LRP1: variants seen among roughly 807,000 people sequenced by gnomAD.
LRP1 encodes prolow-density lipoprotein receptor-related protein 1.
LRP1 carries 51 observed loss-of-function variants against 541.5 expected under a neutral mutation model. The ratio of observed to expected loss-of-function variants is 0.09; its 90% confidence interval spans 0.08 to 0.12. The LOEUF (loss-of-function observed/expected upper bound fraction) is 0.12, where lower values mean the gene tolerates loss of function less well. LRP1 is among the 10% of genes least tolerant of loss of function. LRP1 has a pLI of 1.00. For missense variants in LRP1, 3,878 were observed against 6,376.2 expected (o/e 0.61, Z 13.34); for synonymous variants, 2,219 against 2,470.8 (o/e 0.90, Z 3.02).
intron 6 of LRP1, among the ~76,000 whole-genome samples, chr12:57,150,437 T>A (rs1231903556): frequency 6.6e-6 from 1 of 152,140 alleles, no homozygotes; most frequent in Non-Finnish European, 1.5e-5. Flanking sequence ...ATGATCCACC[T>A]GCTTCAGCCT....
intron 17 of LRP1, 34 bp downstream of exon 17, chr12:57,166,243 C>T (rs1371041233): frequency 6.4e-7 from 1 of 1,566,542 alleles, no homozygotes; most frequent in Non-Finnish European, 8.7e-7. Context: ...ACGAGGCACC[C>T]CTCAGTCAAG....
At chr12:57,167,085 G>C (rs992979309) in intron 18 of LRP1, 39 bp downstream of exon 18, 4 of 1,554,700 alleles carry the variant, frequency 2.6e-6, no homozygotes, top group Non-Finnish European at 3.5e-6. Context: ...CTGGGCCTGG[G>C]GGAGGGGCAT....
chr12:57,183,733 C>T lies in LRP1; in HGVS notation c.5795-42C>T. On this transcript the variant is annotated intron_variant, in intron 35 of 88. Coordinates refer to ENST00000243077, the MANE Select transcript of LRP1 (RefSeq NM_002332.3). The surrounding 1 kb of genome is among the most constrained non-coding windows in gnomAD (Gnocchi z 6.1). ...GAGATTTTGACCCCTCACCTTACCC[C>T]TGCCTTATTGGGCATCCCCATGTCA... is the stretch of plus-strand genomic sequence containing the variant. 1 of 1,611,596 alleles carries T rather than the reference C, an allele frequency of 6.2e-7. No homozygotes were observed. The highest frequency in any genetic ancestry group is 8.5e-7 in the Non-Finnish European group (1 of 1,179,634).
chr12:57,187,336 C>T lies in LRP1; in HGVS notation c.6911C>T (p.Thr2304Ile). 6.2e-7 allele frequency: 1 copy of T among 1,614,224 alleles called. No homozygotes were observed. Among genetic ancestry groups the T allele is most frequent in the Non-Finnish European group, 8.5e-7 (1 of 1,180,044 alleles). Residue 2304 changes from threonine to isoleucine, a missense_variant, in exon 42 of 89, where the codon ACA becomes ATA. Physicochemically the swap from Thr to Ile is moderately conservative, Grantham distance 89. This residue lies in a region of LRP1 where 1,100 missense variants were observed against 1,827.4 expected (regional missense o/e 0.60). Transcript: ENST00000243077. ...WDTLYWTSYT[T>I]STITRHTVDQ... is the part of the protein sequence containing the mutation. Reference sequence around the variant, plus strand: ...ACTCTCTATTGGACAAGCTACACGACATCCACCATCACGCGCCACACAGTG... The same window carrying T: ...ACTCTCTATTGGACAAGCTACACGATATCCACCATCACGCGCCACACAGTG...
At chr12:57,142,179 G>A (rs1354222667) in intron 3 of LRP1, among the ~76,000 whole-genome samples, 10 of 152,258 alleles carry the variant, frequency 6.6e-5, no homozygotes, top group Admixed American at 6.5e-4. Flanking sequence ...TGGAGAGTCC[G>A]GTCACAGCGT....
chr12:57,147,303 A>C (rs892061732), intron 6 of LRP1: 1 of 151,534 alleles, frequency 6.6e-6, no homozygotes, highest in African/African-American at 2.4e-5. Context: ...TCTCCCACAA[A>C]CTAATTATGG....
intron 2 of LRP1, 77 bp from the exon 3 acceptor site, chr12:57,141,297 C>T: frequency 6.4e-7 from 1 of 1,564,628 alleles, no homozygotes; most frequent in African/African-American, 1.4e-5. Context: ...TTTTATCTCC[C>T]CTCATCCCCA....
At position 57,200,693 on chromosome 12, in the gene LRP1, T is replaced by C. The variant is rs1367455035; in HGVS notation, c.10109-6T>C. The C allele has an allele frequency of 1.2e-6, 2 of 1,612,104 alleles. No homozygotes were observed. The highest frequency in any genetic ancestry group is 2.2e-5 in the East Asian group (1 of 44,894). On this transcript the variant is annotated splice_polypyrimidine_tract_variant and splice_region_variant and intron_variant, in intron 63 of 88. Coordinates refer to ENST00000243077, the MANE Select transcript of LRP1 (RefSeq NM_002332.3). ...CGCTCTGACTCTGAGCCTCCCTCTC[T>C]GGCAGCTGAGTTCAAGTGCCGGCCC...
At chr12:57,200,644 G>A (rs1265252218) in intron 63 of LRP1, 55 bp from the exon 64 acceptor site, 12 of 1,559,114 alleles carry the variant, frequency 7.7e-6, no homozygotes, top group Non-Finnish European at 3.5e-6. Flanking sequence ...CCCTGCAAGT[G>A]GACCTGGCCG....
intron 4 of LRP1, among the ~76,000 whole-genome samples, chr12:57,144,046 T>C (rs1488768761): frequency 6.6e-6 from 1 of 152,226 alleles, no homozygotes; most frequent in Non-Finnish European, 1.5e-5. Context: ...AATTAGAGCA[T>C]TAACAGATAA....
intron 3 of LRP1, among the ~76,000 whole-genome samples, chr12:57,143,032 G>C (rs1036026748): frequency 6.6e-6 from 1 of 152,084 alleles, no homozygotes; most frequent in Non-Finnish European, 1.5e-5. Flanking sequence ...GTCTGGGGGG[G>C]CAACTGCTCT....
chr12:57,180,024 C>T (rs1377672554), intron 30 of LRP1, 23 bp from the exon 31 acceptor site: 2 of 1,613,224 alleles, frequency 1.2e-6, no homozygotes, highest in Non-Finnish European at 1.7e-6. Flanking sequence ...CCTGACCTTT[C>T]CCTCTTGGCA....
intron 6 of LRP1, 24 bp downstream of exon 6, chr12:57,145,514 G>C: frequency 6.2e-7 from 1 of 1,607,622 alleles, no homozygotes; most frequent in Non-Finnish European, 8.5e-7. Context: ...TCTCAGCTTG[G>C]AGGGCTGGGG....
chr12:57,167,601 G>A (rs2035865266), intron 19 of LRP1, 77 bp downstream of exon 19: 3 of 1,208,258 alleles, frequency 2.5e-6, no homozygotes, highest in Non-Finnish European at 2.4e-6. Flanking sequence ...GGAAGGCAAA[G>A]GGCTTCAGAA....
intron 58 of LRP1, 85 bp from the exon 59 acceptor site, chr12:57,198,071 C>A: frequency 8.3e-7 from 1 of 1,207,760 alleles, no homozygotes; most frequent in Non-Finnish European, 1.2e-6. Flanking sequence ...CCCCATTTTA[C>A]ACGAGGGGAG....
At position 57,156,291 on chromosome 12, in the gene LRP1, G is replaced by C; in HGVS notation, c.1417+8G>C. Reference sequence around the variant, plus strand: ...AGAGGCGTCAGCCCCGAGGTGAGCAGGGCTCCATGGCCCCTCCAAAGCTGG... The same window carrying C: ...AGAGGCGTCAGCCCCGAGGTGAGCACGGCTCCATGGCCCCTCCAAAGCTGG... On this transcript the variant is annotated splice_region_variant and intron_variant, in intron 9 of 88. Coordinates refer to ENST00000243077, the MANE Select transcript of LRP1 (RefSeq NM_002332.3). The surrounding 1 kb of genome is among the most constrained non-coding windows in gnomAD (Gnocchi z 5.2). The C allele has an allele frequency of 6.2e-7, 1 of 1,613,604 alleles. No homozygotes were observed. The highest frequency in any genetic ancestry group is 2.2e-5 in the East Asian group (1 of 44,870).
chr12:57,148,622 G>T (rs2035463294), intron 6 of LRP1, among the ~76,000 whole-genome samples: 1 of 152,316 alleles, frequency 6.6e-6, no homozygotes, highest in Admixed American at 6.5e-5. Context: ...CTTCACCTTG[G>T]AGGATGCCAC....
rs2036690651 is a variant in LRP1, at chr12:57,203,107, G to A, written c.10712-74G>A. ...AGACACGGGGATGGGCCTTGGGCTC[G>A]GGACTGTGGCACTACTGAGGCCTGG... is the stretch of plus-strand genomic sequence containing the variant. On this transcript the variant is annotated intron_variant, in intron 68 of 88. Transcript: ENST00000243077. 5.4e-6 allele frequency: 6 copies of A among 1,105,898 alleles called. No individual in the cohort carries two copies. The South Asian group carries it at 6.2e-5, about 11-fold the overall frequency. The allele number at this position is 1,105,898 out of a possible 1,614,324, so 68.5% of individuals were successfully genotyped here. A position where few individuals can be genotyped will look rare whatever the true frequency, so the allele number is the denominator to read the frequency against.
rs756835410 is a variant in LRP1 at position 57,181,173 on chromosome 12, C to G, written c.5544C>G (p.Asn1848Lys). 2 of 1,613,546 alleles carry G rather than the reference C, an allele frequency of 1.2e-6. No homozygotes were observed. Among genetic ancestry groups the G allele is most frequent in the East Asian group, 2.2e-5 (1 of 44,904 alleles). ...ESIQLDHKGT[N>K]PCSVNNGDCS... ...TGCCCCCAGACCATAAGGGCACCAA[C>G]CCCTGCAGTGTCAACAACGGTGACT... The change falls in exon 34 of 89, where the codon AAC becomes AAG. Residue 1848 changes from asparagine to lysine, a missense_variant. By Grantham distance (94) the Asn-to-Lys change is moderately conservative. Coordinates refer to ENST00000243077, the MANE Select transcript of LRP1 (RefSeq NM_002332.3).
Sources: allele counts gnomAD v4.1 joint callset (sites outside exome capture counted in the v4.1 genomes callset), GRCh38; gene constraint gnomAD v4.1.1; regional missense constraint gnomAD v4.1.1; non-coding constraint Gnocchi (gnomAD v3.1); transcripts MANE v1.5; gene names NCBI Gene and HGNC (gene_info 2026-07-23, HGNC 2026-07-21).